Variants in SRPK2 observed in about 807,000 individuals in gnomAD.
The protein encoded by SRPK2 is SRSF protein kinase 2.
SRPK2 carries 21 observed loss-of-function variants against 90.8 expected under a neutral mutation model. The observed-to-expected ratio is 0.23, with a 90% CI of 0.16 to 0.33. The LOEUF is 0.33. Ranked by LOEUF, SRPK2 falls within the 10% of genes least tolerant of loss-of-function variation. SRPK2 has a pLI of 1.00. For missense variants in SRPK2, 620 were observed against 869.0 expected, an observed-to-expected ratio of 0.71 and a Z score of 3.60; for synonymous variants, 288 against 311.1, an observed-to-expected ratio of 0.93 and a Z score of 0.78.
intron 2 of SRPK2, among the ~76,000 whole-genome samples, chr7:105,226,657 T>C (rs1292084493): frequency 6.6e-6 from 1 of 152,092 alleles, no homozygotes; most frequent in Admixed American, 6.6e-5. Flanking sequence ...GAAGGCCTTT[T>C]TTCAAGTGCA....
chr7:105,217,243 A>T (rs1014151893), intron 2 of SRPK2, among the ~76,000 whole-genome samples: 1 of 152,230 alleles, frequency 6.6e-6, no homozygotes, highest in Non-Finnish European at 1.5e-5. Context: ...TTTCTTGAGA[A>T]GGTTACAAAC....
chr7:105,266,574 T>C (rs1805109221), intron 2 of SRPK2, among the ~76,000 whole-genome samples: 1 of 152,142 alleles, frequency 6.6e-6, no homozygotes, highest in Non-Finnish European at 1.5e-5. Context: ...AGTAGACAGA[T>C]GGGAACACTG....
At chr7:105,302,664 ATATC>A (rs1011739497) in intron 2 of SRPK2, among the ~76,000 whole-genome samples, 5 of 152,094 alleles carry the variant, frequency 3.3e-5, no homozygotes, top group African/African-American at 7.2e-5. Flanking sequence ...TAATAAATTA[ATATC>A]TATTTATATT....
At chr7:105,292,658 T>C (rs908343439) in intron 2 of SRPK2, among the ~76,000 whole-genome samples, 4 of 152,144 alleles carry the variant, frequency 2.6e-5, no homozygotes, top group African/African-American at 9.7e-5. Flanking sequence ...GACAGCGCTT[T>C]TTGCTTGCTA....
At chr7:105,362,145 C>T (rs1029174898) in intron 2 of SRPK2, among the ~76,000 whole-genome samples, 2 of 152,068 alleles carry the variant, frequency 1.3e-5, no homozygotes, top group Non-Finnish European at 2.9e-5. Flanking sequence ...AATCAAACAA[C>T]CCCATCAAAA....
intron 2 of SRPK2, among the ~76,000 whole-genome samples, chr7:105,309,697 C>G (rs890512965): frequency 2.6e-5 from 4 of 152,138 alleles, no homozygotes; most frequent in African/African-American, 4.8e-5. Flanking sequence ...ACCATAGAGA[C>G]TTTCATGTAA....
upstream of SRPK2, among the ~76,000 whole-genome samples, chr7:105,390,893 A>G (rs945039801): frequency 6.6e-6 from 1 of 152,164 alleles, no homozygotes; most frequent in African/African-American, 2.4e-5. Context: ...TTTGTTGGCT[A>G]TACTATAGAT....
In SRPK2 at chr7:105,280,631, A is replaced by G. The variant is rs1585509435; in HGVS notation, c.72-76846T>C. Among the ~76,000 whole-genome samples the G allele has an allele frequency of 3.0e-5, 4 of 135,126 alleles. No homozygotes were observed. In the South Asian group the frequency reaches 7.9e-4, roughly 27 times the overall value. 88.6% of individuals were successfully genotyped at this position (135,126 alleles called of 152,430 possible). A position where few individuals can be genotyped will look rare whatever the true frequency, so the allele number is the denominator to read the frequency against. Reference sequence around the variant, plus strand: ...TGATTGTGGGAGGCTATTTACATGTATAAGAAAACAAGTCATTAAAAAAAA... The same window carrying G: ...TGATTGTGGGAGGCTATTTACATGTGTAAGAAAACAAGTCATTAAAAAAAA... On this transcript the variant is annotated intron_variant, in intron 2 of 15. Transcript: ENST00000393651.
intron 2 of SRPK2, among the ~76,000 whole-genome samples, chr7:105,329,570 G>C (rs949204841): frequency 6.6e-6 from 1 of 150,484 alleles, no homozygotes; most frequent in Non-Finnish European, 1.5e-5. Flanking sequence ...CTCCAGCCTG[G>C]ACGACAGAGT....
chr7:105,149,853 T>C (rs532586066), intron 7 of SRPK2, among the ~76,000 whole-genome samples: 2 of 152,192 alleles, frequency 1.3e-5, no homozygotes, highest in South Asian at 4.1e-4. Flanking sequence ...CTACAAACAT[T>C]TAAAACAACT....
chr7:105,290,921 C>T (rs1194653081), intron 2 of SRPK2, among the ~76,000 whole-genome samples: 2 of 149,838 alleles, frequency 1.3e-5, no homozygotes, highest in African/African-American at 4.9e-5. Flanking sequence ...GCCTGTAGTC[C>T]CAGCTACTCG....
At chr7:105,281,720 A>C (rs964683066) in intron 2 of SRPK2, among the ~76,000 whole-genome samples, 2 of 152,204 alleles carry the variant, frequency 1.3e-5, no homozygotes, top group Non-Finnish European at 2.9e-5. Context: ...CAAAAGCAGC[A>C]AAAAGAATAA....
At chr7:105,321,083 T>A (rs1812885632) in intron 2 of SRPK2, among the ~76,000 whole-genome samples, 1 of 152,174 alleles carries the variant, frequency 6.6e-6, no homozygotes, top group Admixed American at 6.5e-5. Context: ...TCTTCCCACC[T>A]CAGCCTCCCA....
At chr7:105,247,871 C>CTTTT (rs201687224) in intron 2 of SRPK2, among the ~76,000 whole-genome samples, 1 of 139,386 alleles carries the variant, frequency 7.2e-6, no homozygotes, top group African/African-American at 2.6e-5. Flanking sequence ...CCTTAACAAT[C>CTTTT]TTTTTTTTTT....
chr7:105,121,986 G>A (rs1299341477), intron 15 of SRPK2, among the ~76,000 whole-genome samples: 2 of 152,122 alleles, frequency 1.3e-5, no homozygotes, highest in African/African-American at 2.4e-5. Flanking sequence ...TAAAACTGAT[G>A]AGCATCAATT....
intron 2 of SRPK2, among the ~76,000 whole-genome samples, chr7:105,355,977 G>A (rs1468309727): frequency 1.3e-5 from 2 of 152,134 alleles, no homozygotes; most frequent in Non-Finnish European, 2.9e-5. Flanking sequence ...GAAACTGGAA[G>A]GCAGAAGTTT....
At chr7:105,372,493 A>G (rs1474107706) in intron 2 of SRPK2, among the ~76,000 whole-genome samples, 1 of 152,200 alleles carries the variant, frequency 6.6e-6, no homozygotes, top group African/African-American at 2.4e-5. Flanking sequence ...AGCATAATAC[A>G]AACTATGAAA....
intron 2 of SRPK2, among the ~76,000 whole-genome samples, chr7:105,300,808 AC>A (rs1810454096): frequency 6.6e-6 from 1 of 152,212 alleles, no homozygotes; most frequent in African/African-American, 2.4e-5. Flanking sequence ...AATCAAAACC[AC>A]AACGAGATAC....
intron 6 of SRPK2, among the ~76,000 whole-genome samples, chr7:105,165,133 C>A (rs1789869885): frequency 6.6e-6 from 1 of 152,064 alleles, no homozygotes; most frequent in Non-Finnish European, 1.5e-5. Context: ...GGATACTTTG[C>A]TCTCTGTCAC....
Sources: gnomAD v4.1 joint callset for allele counts (sites outside exome capture counted in the v4.1 genomes callset) on GRCh38, gnomAD v4.1.1 for gene constraint, MANE v1.5 for transcripts, NCBI Gene and HGNC (gene_info 2026-07-23, HGNC 2026-07-21) for gene names.